The following EFNB2 variants were observed in gnomAD, a reference collection of about 807,000 sequenced individuals.
The protein encoded by EFNB2 is ephrin-B2.
In EFNB2, 5 loss-of-function variants were observed where a neutral mutation model predicts 32.1. That is an observed-to-expected ratio of 0.16 (90% CI 0.08 to 0.33). EFNB2 has a LOEUF of 0.33. Among genes scored for constraint, EFNB2 ranks in the 10% least tolerant of loss-of-function variants. The probability of loss-of-function intolerance (pLI) is 1.00; values close to 1 mark genes in which losing one functional copy is unlikely to be tolerated. For synonymous variants in EFNB2, 168 were observed against 166.5 expected (o/e 1.01, Z -0.07); for missense variants, 263 against 422.6 (o/e 0.62, Z 3.31).
At chr13:106,497,420 A>G (rs1202539962) in intron 2 of EFNB2, among the ~76,000 whole-genome samples, 1 of 151,976 alleles carries the variant, frequency 6.6e-6, no homozygotes, top group African/African-American at 2.4e-5. Flanking sequence ...GTTTGTAGAT[A>G]CAAACATTGT....
At chr13:106,522,258 C>T (rs1879548255) in intron 1 of EFNB2, among the ~76,000 whole-genome samples, 7 of 152,184 alleles carry the variant, frequency 4.6e-5, no homozygotes, top group Admixed American at 3.3e-4. Context: ...GATTTCATAA[C>T]CTTCAGAGAC....
At chr13:106,494,693 G>A (rs1208706407) in intron 4 of EFNB2, among the ~76,000 whole-genome samples, 188 bp downstream of exon 4, 2 of 152,176 alleles carry the variant, frequency 1.3e-5, no homozygotes, top group Non-Finnish European at 2.9e-5. Flanking sequence ...GACTTTCATT[G>A]GAATGAGTTA....
intron 2 of EFNB2, among the ~76,000 whole-genome samples, chr13:106,508,884 A>G (rs548170275): frequency 2.6e-5 from 4 of 152,248 alleles, no homozygotes; most frequent in Non-Finnish European, 5.9e-5. Flanking sequence ...AGTTCAAATT[A>G]AAAATTCATA....
At chr13:106,521,684 T>G (rs151248222) in intron 1 of EFNB2, 410 of 152,276 alleles carry the variant, frequency 2.7e-3, no homozygotes, top group African/African-American at 9.4e-3. Flanking sequence ...TTATTTGTGA[T>G]GTAATGCTCA....
intron 2 of EFNB2, among the ~76,000 whole-genome samples, chr13:106,509,297 C>T (rs926608085): frequency 6.6e-6 from 1 of 152,152 alleles, no homozygotes; most frequent in Non-Finnish European, 1.5e-5. Flanking sequence ...AAGTCAAGCA[C>T]TCCTCCAAAG....
chr13:106,505,420 G>A (rs1210239499), intron 2 of EFNB2, among the ~76,000 whole-genome samples: 1 of 152,114 alleles, frequency 6.6e-6, no homozygotes, highest in African/African-American at 2.4e-5. Context: ...CTCACACTAA[G>A]TTTCAGCTTT....
intron 1 of EFNB2, among the ~76,000 whole-genome samples, chr13:106,514,146 C>T (rs1879237826): frequency 6.6e-6 from 1 of 151,982 alleles, no homozygotes; most frequent in African/African-American, 2.4e-5. Context: ...TGTACAACCC[C>T]CAAAAGAGAA....
Position 106,534,872 on chromosome 13 carries a change from C to A in EFNB2, c.93G>T (p.Glu31Asp), listed in dbSNP as rs746448012. The A allele has an allele frequency of 1.2e-6, 2 of 1,613,496 alleles. No individual in the cohort carries two copies. Among genetic ancestry groups the A allele is most frequent in the Admixed American group, 3.3e-5 (2 of 59,944 alleles). ...RTAISKSIVL[E>D]PIYWNSSNSK... ...AGTTCGAGGAATTCCAATAGATAGG[C>A]TCTAAAACTATCGATTTGGAAATCG... Residue 31 changes from glutamate to aspartate, a missense_variant, in exon 1 of 5, where the codon GAG becomes GAT. Transcript: ENST00000646441.
chr13:106,493,560 G>A lies in EFNB2; in HGVS notation c.614-132C>T, dbSNP rs549728931. 9.2e-6 allele frequency: 11 copies of A among 1,201,586 alleles called. No individual in the cohort carries two copies. Among genetic ancestry groups the A allele is most frequent in the East Asian group, 2.5e-5 (1 of 39,720 alleles). 74.4% of individuals were successfully genotyped at this position (1,201,586 alleles called of 1,614,324 possible). On this transcript the variant is annotated intron_variant, in intron 4 of 4. Transcript: ENST00000646441. This position sits in a 1 kb window ranked among gnomAD's most constrained non-coding sequence, Gnocchi z 6.1. ...CTAACTAGAAGCTGGACTTTGCCTC[G>A]CCAATACCTCGTCTAAGAGCTCAAC...
Position 106,492,858 on chromosome 13 carries a change from G to C in EFNB2, c.*182C>G. The C allele has an allele frequency of 1.3e-6, 1 of 757,998 alleles. No individual in the cohort carries two copies. The highest frequency in any genetic ancestry group is 2.0e-5 in the South Asian group (1 of 49,184). 47.0% of individuals were successfully genotyped at this position (757,998 alleles called of 1,614,324 possible). On this transcript the variant is annotated 3_prime_UTR_variant, in exon 5 of 5. Coordinates refer to ENST00000646441, the MANE Select transcript of EFNB2 (RefSeq NM_004093.4). The surrounding 1 kb of genome is among the most constrained non-coding windows in gnomAD (Gnocchi z 5.1). Reference sequence around the variant, plus strand: ...TCCAGGGAGCGTGTGTGTTCACCAAGGCCGAATGCTACAAGACTAGGTAAG... The same window carrying C: ...TCCAGGGAGCGTGTGTGTTCACCAACGCCGAATGCTACAAGACTAGGTAAG...
rs560842768 is a variant in EFNB2 at position 106,507,903 on chromosome 13, C to T, written c.406+4626G>A. 6.6e-5 allele frequency among the ~76,000 whole-genome samples: 10 copies of T among 152,292 alleles called. No homozygotes were observed. The South Asian group carries it at 2.1e-3, about 32-fold the overall frequency. ...AAAATAATGCAAAAGCCATATGAAG[C>T]TAAATTGGGAGGCGCTTCATTAATA... On this transcript the variant is annotated intron_variant, in intron 2 of 4. Transcript: ENST00000646441.
intron 1 of EFNB2, chr13:106,516,581 C>T (rs1020683626): frequency 1.3e-5 from 2 of 152,226 alleles, no homozygotes; most frequent in African/African-American, 4.8e-5. Flanking sequence ...TCAATTATAA[C>T]TCCAGCATTG....
intron 1 of EFNB2, chr13:106,521,087 C>T (rs1487511659): frequency 6.6e-6 from 1 of 152,132 alleles, no homozygotes; most frequent in Non-Finnish European, 1.5e-5. Context: ...ACAGGTGCCC[C>T]TTCTTTCACA....
At chr13:106,515,394 CGG>C (rs1879279711) in intron 1 of EFNB2, among the ~76,000 whole-genome samples, 2 of 152,078 alleles carry the variant, frequency 1.3e-5, no homozygotes, top group Non-Finnish European at 2.9e-5. Flanking sequence ...CTTATCAAAG[CGG>C]AAGTGTGGTG....
chr13:106,533,099 T>G (rs868236354), intron 1 of EFNB2, among the ~76,000 whole-genome samples: 1 of 34,352 alleles, frequency 2.9e-5, no homozygotes, highest in Non-Finnish European at 6.7e-5. Flanking sequence ...TAAATCCTCA[T>G]AAGAAAAAAA....
intron 1 of EFNB2, among the ~76,000 whole-genome samples, chr13:106,522,265 A>T (rs1424352116): frequency 1.3e-5 from 2 of 152,228 alleles, no homozygotes. Flanking sequence ...TAACCTTCAG[A>T]GACAAGATGC....
intron 1 of EFNB2, chr13:106,520,068 A>G (rs1385494836): frequency 6.6e-6 from 1 of 152,220 alleles, no homozygotes; most frequent in East Asian, 1.9e-4. Context: ...ATGCTTAATC[A>G]TTGAACTGTA....
rs1039877438 is a variant in EFNB2, at chr13:106,492,889, C to T, written c.*151G>A. ...ATGCTACAAGACTAGGTAAGCTGTC[C>T]AGCGCGACGGGCTCTTCCGAGGAGG... On this transcript the variant is annotated 3_prime_UTR_variant, in exon 5 of 5. Transcript: ENST00000646441. The surrounding 1 kb of genome is among the most constrained non-coding windows in gnomAD (Gnocchi z 5.1). The T allele has an allele frequency of 8.8e-6, 9 of 1,022,890 alleles. No homozygotes were observed. In the Admixed American group the frequency reaches 2.2e-4, roughly 25 times the overall value. The allele number at this position is 1,022,890 out of a possible 1,614,324, so 63.4% of individuals were successfully genotyped here. A position where few individuals can be genotyped will look rare whatever the true frequency, so the allele number is the denominator to read the frequency against.
At chr13:106,512,986 T>G (rs772622929) in intron 1 of EFNB2, among the ~76,000 whole-genome samples, 174 bp from the exon 2 acceptor site, 35 of 152,252 alleles carry the variant, frequency 2.3e-4, no homozygotes, top group Non-Finnish European at 4.4e-4. Context: ...TATTTTGGAA[T>G]TAAGCTTTAA....
Sources: allele counts gnomAD v4.1 joint callset (sites outside exome capture counted in the v4.1 genomes callset), GRCh38; gene constraint gnomAD v4.1.1; non-coding constraint Gnocchi (gnomAD v3.1); transcripts MANE v1.5; gene names NCBI Gene and HGNC (gene_info 2026-07-23, HGNC 2026-07-21).